MORN1: variants seen among roughly 807,000 people sequenced by gnomAD.
The protein encoded by MORN1 is MORN repeat-containing protein 1.
A neutral mutation model predicts 61.9 loss-of-function variants in MORN1; 67 were observed. The ratio of observed to expected loss-of-function variants is 1.08; its 90% CI spans 0.89 to 1.33. The LOEUF is 1.33. Ranked by LOEUF, MORN1 falls within the 40% of genes most tolerant of loss-of-function variation. The pLI, the probability that MORN1 is intolerant of heterozygous loss-of-function variation, is 0.00. For missense variants in MORN1, 752 were observed against 691.2 expected, an observed-to-expected ratio of 1.09 and a Z score of -0.99; for synonymous variants, 301 against 292.0, an observed-to-expected ratio of 1.03 and a Z score of -0.31.
At chr1:2,391,160 C>T (rs980883435) in intron 1 of MORN1, among the ~76,000 whole-genome samples, 18 of 152,192 alleles carry the variant, frequency 1.2e-4, no homozygotes, top group Non-Finnish European at 1.8e-4. Context: ...CCCCAGGTCC[C>T]GCTGGCTGTG....
chr1:2,322,409 G>C, intron 13 of MORN1: 1 of 985,438 alleles, frequency 1.0e-6, no homozygotes, highest in Non-Finnish European at 1.2e-6. Context: ...CATTCCAGAC[G>C]CCGGCCTGGA....
chr1:2,387,706 C>T (rs781596234), intron 3 of MORN1, 177 bp from the exon 4 acceptor site: 1 of 608,340 alleles, frequency 1.6e-6, no homozygotes, highest in South Asian at 1.9e-5. Context: ...CAGGTCTGGT[C>T]TCCCCAACAG....
chr1:2,336,629 C>T, intron 11 of MORN1, 81 bp from the exon 12 acceptor site: 1 of 1,585,342 alleles, frequency 6.3e-7, no homozygotes, highest in Non-Finnish European at 8.6e-7. Context: ...CCCCCTGGGG[C>T]ACACATGGCC....
rs1641299256 is a variant in MORN1 at position 2,337,184 on chromosome 1, G to C, written c.1037-334C>G. ...CCGTCAGCCGAGGCACTCGCTTCCA[G>C]GGTAGGGCCGGGACCGGGGCCCTGG... is the stretch of plus-strand genomic sequence containing the variant. On this transcript the variant is annotated intron_variant, in intron 10 of 13. Coordinates refer to ENST00000378531, the MANE Select transcript of MORN1 (RefSeq NM_024848.3). This position sits in a 1 kb window ranked among gnomAD's most constrained non-coding sequence, Gnocchi z 5.7. Among the ~76,000 whole-genome samples the C allele has an allele frequency of 6.6e-6, 1 of 152,230 alleles. No individual in the cohort carries two copies. Among genetic ancestry groups the C allele is most frequent in the Non-Finnish European group, 1.5e-5 (1 of 68,036 alleles).
chr1:2,387,334 G>C, intron 4 of MORN1, 85 bp downstream of exon 4: 1 of 992,292 alleles, frequency 1.0e-6, no homozygotes, highest in South Asian at 1.3e-5. Context: ...GGCCCTCTCA[G>C]AGGTTCCTGA....
rs982550243 is a variant in MORN1 at position 2,334,707 on chromosome 1, G to A, written c.1250+1762C>T. Among the ~76,000 whole-genome samples the A allele has an allele frequency of 2.6e-5, 4 of 152,242 alleles. No individual in the cohort carries two copies. The highest frequency in any genetic ancestry group is 2.1e-4 in the South Asian group (1 of 4,838). On this transcript the variant is annotated intron_variant, in intron 12 of 13. Transcript: ENST00000378531. The surrounding 1 kb of genome is among the most constrained non-coding windows in gnomAD (Gnocchi z 5.4). Reference sequence around the variant, plus strand: ...CGACTCCGCGGCCAGGTCGTCCTGGGATTGAAACAATCCTAGTCCAACGAC... The same window carrying A: ...CGACTCCGCGGCCAGGTCGTCCTGGAATTGAAACAATCCTAGTCCAACGAC...
chr1:2,362,036 G>A (rs776291686), intron 8 of MORN1, among the ~76,000 whole-genome samples: 32 of 152,028 alleles, frequency 2.1e-4, no homozygotes, highest in South Asian at 1.0e-3. Flanking sequence ...GTTTGAGACC[G>A]CCCTGGCCAA....
Position 2,336,564 on chromosome 1 carries a change from A to G in MORN1, c.1171-16T>C, listed in dbSNP as rs904680001. 5 of 1,612,172 alleles carry G rather than the reference A, an allele frequency of 3.1e-6. No individual in the cohort carries two copies. The African/African-American group carries it at 5.3e-5, about 17-fold the overall frequency. On this transcript the variant is annotated splice_polypyrimidine_tract_variant and intron_variant, in intron 11 of 13. Coordinates refer to ENST00000378531, the MANE Select transcript of MORN1 (RefSeq NM_024848.3). ...CGCCTGCCTTCTAGAAAGATTGGGC[A>G]GGAGGAGGGGAGAAGGAAAGGCTCA...
rs1026553149 is a variant in MORN1, at chr1:2,337,323, G to A, written c.1037-473C>T. On this transcript the variant is annotated intron_variant, in intron 10 of 13. Transcript: ENST00000378531. This position sits in a 1 kb window ranked among gnomAD's most constrained non-coding sequence, Gnocchi z 5.7. ...CAAGATGGACCTGGCGTCAGGACCC[G>A]TTCTCCACAGGCGTGGAGGGAGACA... is the stretch of plus-strand genomic sequence containing the variant. 4.6e-5 allele frequency among the ~76,000 whole-genome samples: 7 copies of A among 152,184 alleles called. No homozygotes were observed. The highest frequency in any genetic ancestry group is 2.6e-4 in the Admixed American group (4 of 15,294).
chr1:2,340,811 T>C (rs1017158765), intron 10 of MORN1, among the ~76,000 whole-genome samples: 2 of 151,810 alleles, frequency 1.3e-5, no homozygotes, highest in African/African-American at 2.4e-5. Flanking sequence ...AGGGCCGCCA[T>C]ACAGGCTGCC....
chr1:2,351,693 G>T, intron 10 of MORN1: 1 of 440,366 alleles, frequency 2.3e-6, no homozygotes, highest in Non-Finnish European at 4.5e-6. Flanking sequence ...TGGTTGCTTC[G>T]CATTCTTTAG....
intron 8 of MORN1, among the ~76,000 whole-genome samples, chr1:2,368,256 A>T (rs1353480541): frequency 1.3e-5 from 2 of 152,172 alleles, no homozygotes; most frequent in Non-Finnish European, 2.9e-5. Context: ...TTGGCCAGGG[A>T]AGGATTTAAG....
rs778572330 is a variant in MORN1 at position 2,385,854 on chromosome 1, G to GC, written c.401dup (p.Ser135LeufsTer4). The GC allele has an allele frequency of 1.2e-6, 2 of 1,613,964 alleles. No homozygotes were observed. Among genetic ancestry groups the GC allele is most frequent in the South Asian group, 2.2e-5 (2 of 91,088 alleles). On this transcript the variant is annotated frameshift_variant, in exon 5 of 14. Coordinates refer to ENST00000378531, the MANE Select transcript of MORN1 (RefSeq NM_024848.3). LOFTEE classifies it high-confidence loss of function. ...CGTGCCTCTTGTTGTCATGGAAGGA[G>GC]CCCTGGTACACTTGTCCATCCCGGT...
rs375448988 is a variant in MORN1, at chr1:2,373,678, C to T, written c.634+783G>A. Among the ~76,000 whole-genome samples, 23 of 152,196 alleles carry T rather than the reference C, an allele frequency of 1.5e-4. 1 individual carries two copies. The highest frequency in any genetic ancestry group is 1.0e-3 in the Admixed American group (16 of 15,282). ...CCCTGCAGGGTGCACTGTGTGCGTGCGGGTGCTGGGACCCACCTCTCAGTG... is the reference window on the plus strand; with the variant it reads ...CCCTGCAGGGTGCACTGTGTGCGTGTGGGTGCTGGGACCCACCTCTCAGTG... On this transcript the variant is annotated intron_variant, in intron 7 of 13. Coordinates refer to ENST00000378531, the MANE Select transcript of MORN1 (RefSeq NM_024848.3).
chr1:2,331,860 G>T, intron 12 of MORN1, among the ~76,000 whole-genome samples: 1 of 118,824 alleles, frequency 8.4e-6, no homozygotes, highest in East Asian at 2.6e-4. Context: ...CCGCCCCTGC[G>T]CCTCTCCCTC....
rs1392504965 is a variant in MORN1, at chr1:2,337,982, G to A, written c.1037-1132C>T. Among the ~76,000 whole-genome samples, 1 of 152,176 alleles carries A rather than the reference G, an allele frequency of 6.6e-6. No homozygotes were observed. Among genetic ancestry groups the A allele is most frequent in the Non-Finnish European group, 1.5e-5 (1 of 68,026 alleles). On this transcript the variant is annotated intron_variant, in intron 10 of 13. Transcript: ENST00000378531. This position sits in a 1 kb window ranked among gnomAD's most constrained non-coding sequence, Gnocchi z 5.7. Reference sequence around the variant, plus strand: ...AAGGAGGAGTCAGGGGCTGCTGAGGGGTGCACAGGAGGCTGGGTCTGTTTG... The same window carrying A: ...AAGGAGGAGTCAGGGGCTGCTGAGGAGTGCACAGGAGGCTGGGTCTGTTTG...
chr1:2,342,056 A>T (rs1641406371), intron 10 of MORN1, among the ~76,000 whole-genome samples: 1 of 152,252 alleles, frequency 6.6e-6, no homozygotes, highest in Non-Finnish European at 1.5e-5. Context: ...AGCTCTCAGG[A>T]GTGCCTTCCA....
chr1:2,371,644 G>C (rs1642125370), intron 8 of MORN1: 1 of 152,344 alleles, frequency 6.6e-6, no homozygotes, highest in African/African-American at 2.4e-5. Flanking sequence ...AGGCGCGGTG[G>C]CTCACGCCTG....
chr1:2,336,607 C>G, intron 11 of MORN1, 59 bp from the exon 12 acceptor site: 1 of 1,601,188 alleles, frequency 6.2e-7, no homozygotes, highest in Middle Eastern at 1.7e-4. Context: ...GGCCTAGGAG[C>G]TCTGCTCCAA....
Sources: gnomAD v4.1 joint callset for allele counts (sites outside exome capture counted in the v4.1 genomes callset) on GRCh38, gnomAD v4.1.1 for gene constraint, Gnocchi (gnomAD v3.1) non-coding constraint, MANE v1.5 for transcripts, NCBI Gene and HGNC (gene_info 2026-07-23, HGNC 2026-07-21) for gene names.